Variants in PRELID2 observed in about 807,000 individuals in gnomAD.
PRELID2 encodes the protein PRELI domain containing 2, also known as PRELI domain-containing protein 2.
In PRELID2, 25 loss-of-function variants were observed where a neutral mutation model predicts 28.4. The observed-to-expected ratio is 0.88, with a 90% confidence interval of 0.64 to 1.23. The LOEUF is 1.23. Among genes scored for constraint, PRELID2 ranks in the 50% most tolerant of loss-of-function variants. The pLI is 0.00. For synonymous variants in PRELID2, 76 were observed against 71.6 expected, an observed-to-expected ratio of 1.06 and a Z score of -0.31; for missense variants, 201 against 214.4, an observed-to-expected ratio of 0.94 and a Z score of 0.39.
intron 1 of PRELID2, among the ~76,000 whole-genome samples, chr5:145,522,211 T>G (rs1284941196): frequency 6.6e-6 from 1 of 152,236 alleles, no homozygotes; most frequent in Non-Finnish European, 1.5e-5. Context: ...CTCTCCTTTC[T>G]TCAAGACCAT....
At chr5:145,379,203 G>A in the PRELID2 span, among the ~76,000 whole-genome samples, 1 of 152,094 alleles carries the variant, frequency 6.6e-6, no homozygotes, top group African/African-American at 2.4e-5. Context: ...ACTGGGGAAG[G>A]GGCCAAGGAG....
chr5:145,389,216 G>GA, the PRELID2 span, among the ~76,000 whole-genome samples: 1 of 152,158 alleles, frequency 6.6e-6, no homozygotes, highest in Non-Finnish European at 1.5e-5. Context: ...GATCTAGGCA[G>GA]ATCTGCACTC....
chr5:145,696,581 C>T lies in PRELID2; in HGVS notation n.70+68350G>A, dbSNP rs953406648. 3.9e-4 allele frequency among the ~76,000 whole-genome samples: 60 copies of T among 152,088 alleles called. 5 individuals carry two copies. Among genetic ancestry groups the T allele is most frequent in the African/African-American group, 9.7e-5 (4 of 41,418 alleles). ...GTCTCAAGTGATCTTTCCACCTCAG[C>T]CTCTTGAGTAGCTGGGACCACAGGT... is the stretch of plus-strand genomic sequence containing the variant. On this transcript the variant is annotated intron_variant and non_coding_transcript_variant, in intron 1 of 2. Coordinates refer to the PRELID2 transcript ENST00000510259.
chr5:145,460,514 C>A, the PRELID2 span, among the ~76,000 whole-genome samples: 2 of 152,110 alleles, frequency 1.3e-5, no homozygotes, highest in Non-Finnish European at 1.5e-5. Flanking sequence ...CTACCCTGGC[C>A]CTAGATCCAA....
chr5:145,554,900 TAAGA>T (rs1752866899), intron 1 of PRELID2, among the ~76,000 whole-genome samples: 1 of 152,212 alleles, frequency 6.6e-6, no homozygotes, highest in African/African-American at 2.4e-5. Context: ...TAGTGAATGC[TAAGA>T]AGAGTTTTAG....
intron 5 of PRELID2, among the ~76,000 whole-genome samples, chr5:145,783,281 G>C (rs1751755616): frequency 6.6e-6 from 1 of 152,224 alleles, no homozygotes; most frequent in Non-Finnish European, 1.5e-5. Flanking sequence ...TCAAGGGATT[G>C]TGGATTCCCA....
chr5:145,502,410 A>C (rs1047559320), intron 1 of PRELID2, among the ~76,000 whole-genome samples: 16 of 152,128 alleles, frequency 1.1e-4, no homozygotes, highest in African/African-American at 3.9e-4. Flanking sequence ...ATTACAATTG[A>C]ATATGAGATT....
At chr5:145,293,982 C>T in the PRELID2 span, among the ~76,000 whole-genome samples, 1 of 152,150 alleles carries the variant, frequency 6.6e-6, no homozygotes, top group African/African-American at 2.4e-5. Flanking sequence ...ACTATTCTAG[C>T]TCCAGAGCTT....
At chr5:145,401,851 A>T in the PRELID2 span, among the ~76,000 whole-genome samples, 4 of 152,192 alleles carry the variant, frequency 2.6e-5, no homozygotes, top group Non-Finnish European at 4.4e-5. Flanking sequence ...ATTCTCACAG[A>T]CAGAGGAGGA....
chr5:145,590,351 T>G (rs568223877), intron 1 of PRELID2, among the ~76,000 whole-genome samples: 8 of 152,312 alleles, frequency 5.3e-5, no homozygotes, highest in Non-Finnish European at 1.0e-4. Flanking sequence ...TTTCATGAAT[T>G]TTATTATCTT....
intron 1 of PRELID2, among the ~76,000 whole-genome samples, chr5:145,525,585 C>T (rs1302659030): frequency 6.6e-6 from 1 of 152,120 alleles, no homozygotes; most frequent in Non-Finnish European, 1.5e-5. Flanking sequence ...CAGCAGTTAC[C>T]ATGAGACAGT....
intron 1 of PRELID2, among the ~76,000 whole-genome samples, chr5:145,716,220 C>T (rs1345990621): frequency 2.6e-5 from 4 of 152,276 alleles, no homozygotes; most frequent in East Asian, 1.9e-4. Context: ...CTGTCTTGTT[C>T]GTCATTGTAT....
At chr5:145,678,615 C>T (rs1268425772) in intron 1 of PRELID2, among the ~76,000 whole-genome samples, 2 of 152,122 alleles carry the variant, frequency 1.3e-5, no homozygotes, top group Non-Finnish European at 2.9e-5. Flanking sequence ...AGAGGTTTTT[C>T]AACTGGCCAA....
rs981946963 is a variant in PRELID2 at position 145,831,725 on chromosome 5, T to C, written c.75+3452A>G. On this transcript the variant is annotated intron_variant, in intron 1 of 6. Coordinates refer to ENST00000683046, the MANE Select transcript of PRELID2 (RefSeq NM_205846.3). The stretch of plus-strand genomic sequence containing the variant: ...TAGACCTTTAGTCTCCAAATGTTTG[T>C]CTCTCATTTCCCCAGTTCTGCCTTC... Among the ~76,000 whole-genome samples, 5 of 152,366 alleles carry C rather than the reference T, an allele frequency of 3.3e-5. No individual in the cohort carries two copies. The East Asian group carries it at 9.6e-4, about 29-fold the overall frequency.
At chr5:145,568,481 T>C (rs1338666184) in intron 1 of PRELID2, among the ~76,000 whole-genome samples, 2 of 152,248 alleles carry the variant, frequency 1.3e-5, no homozygotes, top group East Asian at 3.8e-4. Flanking sequence ...GCGATCATAA[T>C]GGAAAAACTT....
intron 1 of PRELID2, among the ~76,000 whole-genome samples, chr5:145,715,983 C>T (rs1755832120): frequency 6.6e-6 from 1 of 152,166 alleles, no homozygotes. Context: ...CTGCGTGTGG[C>T]CCAGGATGGC....
the PRELID2 span, among the ~76,000 whole-genome samples, chr5:145,327,943 T>A: frequency 1.3e-5 from 2 of 151,114 alleles, no homozygotes; most frequent in African/African-American, 2.4e-5. Flanking sequence ...ACTCCCCCCA[T>A]CCCCCAACAG....
intron 1 of PRELID2, among the ~76,000 whole-genome samples, chr5:145,609,120 G>A (rs774035642): frequency 3.3e-5 from 5 of 152,164 alleles, no homozygotes; most frequent in Admixed American, 1.3e-4. Context: ...GTTCATTTTG[G>A]TTCTTTCCTA....
chr5:145,532,071 C>T (rs1018575842), intron 1 of PRELID2, among the ~76,000 whole-genome samples: 2 of 152,018 alleles, frequency 1.3e-5, no homozygotes, highest in East Asian at 1.9e-4. Context: ...AATAAATGTC[C>T]GTTGGCATGA....
Sources: gnomAD v4.1 joint callset for allele counts (sites outside exome capture counted in the v4.1 genomes callset) on GRCh38, gnomAD v4.1.1 for gene constraint, MANE v1.5 for transcripts, NCBI Gene and HGNC (gene_info 2026-07-23, HGNC 2026-07-21) for gene names.